Variants in PTPRN2 observed in about 807,000 individuals in gnomAD.
PTPRN2 encodes protein tyrosine phosphatase receptor type N2.
Under a neutral mutation model 118.8 loss-of-function variants are expected in PTPRN2, and 74 were observed. The ratio of observed to expected loss-of-function variants is 0.62; its 90% CI spans 0.52 to 0.76. The LOEUF is 0.76. PTPRN2 is among the 30% of genes least tolerant of loss of function. PTPRN2 has a pLI of 0.00. For synonymous variants in PTPRN2, 641 were observed against 608.0 expected (o/e 1.05, Z -0.80); for missense variants, 1,481 against 1,394.4 (o/e 1.06, Z -0.99).
chr7:158,551,056 C>T (rs1037619027), intron 1 of PTPRN2, among the ~76,000 whole-genome samples: 15 of 152,250 alleles, frequency 9.9e-5, no homozygotes, highest in Admixed American at 9.8e-4. Flanking sequence ...AGGAGGGAGG[C>T]ATCCGCACCA....
intron 2 of PTPRN2, among the ~76,000 whole-genome samples, chr7:158,430,033 G>C (rs1816041399): frequency 6.6e-6 from 1 of 152,044 alleles, no homozygotes; most frequent in African/African-American, 2.4e-5. Context: ...TCAGCCTCCT[G>C]AGTAGCTGGG....
At chr7:157,879,405 A>G (rs1253984519) in intron 12 of PTPRN2, among the ~76,000 whole-genome samples, 1 of 148,652 alleles carries the variant, frequency 6.7e-6, no homozygotes, top group Non-Finnish European at 1.5e-5. Context: ...TCGTGCACGC[A>G]CACGTGCACG....
chr7:158,457,544 T>C (rs1304532000), intron 2 of PTPRN2, among the ~76,000 whole-genome samples: 2 of 135,328 alleles, frequency 1.5e-5, no homozygotes, highest in Non-Finnish European at 3.2e-5. Context: ...GGAGTCACAG[T>C]AAAGCCACCG....
chr7:158,194,821 C>T (rs1826081994), intron 4 of PTPRN2, among the ~76,000 whole-genome samples: 1 of 152,180 alleles, frequency 6.6e-6, no homozygotes, highest in Admixed American at 6.5e-5. Flanking sequence ...TTTAACTGAC[C>T]ACAGGTTGCC....
intron 10 of PTPRN2, among the ~76,000 whole-genome samples, 199 bp downstream of exon 10, chr7:158,110,630 T>C (rs573307537): frequency 1.3e-5 from 2 of 152,196 alleles, no homozygotes; most frequent in African/African-American, 4.8e-5. Context: ...CTTCAGGAGA[T>C]TTTCATCCTT....
At chr7:158,306,987 C>T (rs373309590) in intron 3 of PTPRN2, among the ~76,000 whole-genome samples, 11 of 152,024 alleles carry the variant, frequency 7.2e-5, no homozygotes, top group Non-Finnish European at 1.5e-4. Context: ...CTGCCTCAGC[C>T]TCCCAAGTAA....
intron 10 of PTPRN2, among the ~76,000 whole-genome samples, chr7:158,108,427 A>G (rs1475005037): frequency 6.6e-6 from 1 of 151,912 alleles, no homozygotes; most frequent in Non-Finnish European, 1.5e-5. Flanking sequence ...GGGTCCCTAA[A>G]TGGCCTCTCT....
intron 2 of PTPRN2, among the ~76,000 whole-genome samples, chr7:158,443,292 G>A (rs1033214528): frequency 2.0e-5 from 3 of 152,206 alleles, no homozygotes; most frequent in Non-Finnish European, 4.4e-5. Flanking sequence ...GCTTCTCCCC[G>A]AAGGCACAGA....
chr7:157,952,240 A>G (rs1800859681), intron 11 of PTPRN2, among the ~76,000 whole-genome samples: 1 of 152,112 alleles, frequency 6.6e-6, no homozygotes, highest in African/African-American at 2.4e-5. Flanking sequence ...GATGGGGCCG[A>G]ACCCCGCAGG....
intron 12 of PTPRN2, among the ~76,000 whole-genome samples, chr7:157,699,755 C>T (rs553852095): frequency 1.6e-4 from 24 of 152,298 alleles, no homozygotes; most frequent in African/African-American, 5.3e-4. Context: ...TGACACAGTG[C>T]GGAGCAGGTT....
intron 2 of PTPRN2, among the ~76,000 whole-genome samples, chr7:158,425,215 T>A (rs62479976): frequency 0.6 from 12,559 of 21,096 alleles, 5,042 homozygotes; most frequent in African/African-American, 0.72. Flanking sequence ...AAAGACGCGG[T>A]GTCCGAGTCC....
At chr7:158,302,083 T>C (rs1035501589) in intron 3 of PTPRN2, among the ~76,000 whole-genome samples, 1 of 152,216 alleles carries the variant, frequency 6.6e-6, no homozygotes, top group Non-Finnish European at 1.5e-5. Flanking sequence ...TATGATGTGC[T>C]ATTTATAAAA....
At chr7:158,309,473 G>A (rs1048713662) in intron 3 of PTPRN2, among the ~76,000 whole-genome samples, 1 of 152,090 alleles carries the variant, frequency 6.6e-6, no homozygotes, top group African/African-American at 2.4e-5. Context: ...CCCTGTGATC[G>A]TGAGTCAATA....
chr7:157,650,501 T>C (rs1805579594), intron 14 of PTPRN2, among the ~76,000 whole-genome samples: 1 of 152,170 alleles, frequency 6.6e-6, no homozygotes, highest in Non-Finnish European at 1.5e-5. Context: ...GAGTTCGCCC[T>C]GCGGCCTGGT....
intron 12 of PTPRN2, among the ~76,000 whole-genome samples, chr7:157,897,197 G>A (rs1797177541): frequency 6.6e-6 from 1 of 152,176 alleles, no homozygotes; most frequent in Non-Finnish European, 1.5e-5. Flanking sequence ...GCTCGGAAGG[G>A]AGAGGAAAGA....
At chr7:157,963,810 A>G (rs1188971730) in intron 11 of PTPRN2, among the ~76,000 whole-genome samples, 1 of 152,240 alleles carries the variant, frequency 6.6e-6, no homozygotes, top group Non-Finnish European at 1.5e-5. Flanking sequence ...TCATCTTTCC[A>G]GTCCAATGGC....
intron 12 of PTPRN2, among the ~76,000 whole-genome samples, chr7:157,692,646 C>A (rs1056285396): frequency 1.3e-5 from 2 of 152,214 alleles, no homozygotes; most frequent in Non-Finnish European, 2.9e-5. Flanking sequence ...GGCCTCGCAT[C>A]GGGCCATGGT....
intron 12 of PTPRN2, among the ~76,000 whole-genome samples, chr7:157,803,473 C>G (rs1805444707): frequency 6.6e-6 from 1 of 152,212 alleles, no homozygotes; most frequent in African/African-American, 2.4e-5. Context: ...GCTTCTGTTG[C>G]TTGTGCCTTT....
chr7:157,662,346 G>A (rs1795929678), intron 13 of PTPRN2, among the ~76,000 whole-genome samples: 1 of 152,184 alleles, frequency 6.6e-6, no homozygotes, highest in African/African-American at 2.4e-5. Context: ...GTCCCTTGCC[G>A]AGTCAGCACT....
Sources: allele counts gnomAD v4.1 joint callset (sites outside exome capture counted in the v4.1 genomes callset), GRCh38; gene constraint gnomAD v4.1.1; transcripts MANE v1.5; gene names NCBI Gene and HGNC (gene_info 2026-07-23, HGNC 2026-07-21).